FLRT2: variants seen among roughly 807,000 people sequenced by gnomAD.
The protein encoded by FLRT2 is leucine-rich repeat transmembrane protein FLRT2.
In FLRT2, 15 loss-of-function variants were observed where a neutral mutation model predicts 40.0. The observed-to-expected ratio is 0.38, with a 90% confidence interval of 0.25 to 0.58. The LOEUF (loss-of-function observed/expected upper bound fraction) is 0.58. FLRT2 is among the 20% of genes least tolerant of loss of function. FLRT2 has a pLI of 0.71. For missense variants in FLRT2, 726 were observed against 840.0 expected, an observed-to-expected ratio of 0.86 and a Z score of 1.68; for synonymous variants, 380 against 336.8, an observed-to-expected ratio of 1.13 and a Z score of -1.41.
In FLRT2 at chr14:85,640,605, T is replaced by C. The variant is rs953578105; in HGVS notation, c.*17108T>C. 2.0e-5 allele frequency: 3 copies of C among 152,236 alleles called. No individual in the cohort carries two copies. The highest frequency in any genetic ancestry group is 7.2e-5 in the African/African-American group (3 of 41,464). 9.4% of individuals were successfully genotyped at this position (152,236 alleles called of 1,614,324 possible). On this transcript the variant is annotated 3_prime_UTR_variant, in exon 2 of 2. Transcript: ENST00000330753. ...ATCAAGGTCTGTACCATGATTGAAC[T>C]ACTTGCTGCCATAAATTTTTTACTA... is the stretch of plus-strand genomic sequence containing the variant.
chr14:85,551,430 C>A (rs1889613898), intron 1 of FLRT2, among the ~76,000 whole-genome samples: 2 of 152,166 alleles, frequency 1.3e-5, no homozygotes, highest in Admixed American at 6.5e-5. Flanking sequence ...CTAGTATCTC[C>A]TTTTCTGTTT....
rs147101710 is a variant in FLRT2, at chr14:85,623,023, G to A, written c.1509G>A (p.Ala503=). The A allele has an allele frequency of 1.1e-4, 173 of 1,614,130 alleles. No individual in the cohort carries two copies. The highest frequency in any genetic ancestry group is 3.3e-4 in the African/African-American group (25 of 75,034). ...LVPLDAFNYR[A]VEDTICSEAT... The stretch of plus-strand genomic sequence containing the variant: ...CACTGGATGCTTTTAACTACCGCGC[G>A]GTAGAAGACACCATTTGTTCAGAGG... The change falls in exon 2 of 2, where the codon GCG becomes GCA. Residue 503 remains alanine, a synonymous_variant. Coordinates refer to ENST00000330753, the MANE Select transcript of FLRT2 (RefSeq NM_013231.6).
chr14:85,588,531 T>C (rs981362762), intron 1 of FLRT2, among the ~76,000 whole-genome samples: 1 of 152,060 alleles, frequency 6.6e-6, no homozygotes, highest in African/African-American at 2.4e-5. Flanking sequence ...ACATAAGATG[T>C]TTTGATACAG....
intron 1 of FLRT2, among the ~76,000 whole-genome samples, chr14:85,584,533 C>T (rs905611660): frequency 2.0e-5 from 3 of 152,176 alleles, no homozygotes; most frequent in Non-Finnish European, 4.4e-5. Flanking sequence ...TCTTTCTCCT[C>T]TTGGTGTCTT....
chr14:85,543,606 T>C (rs1429028487), intron 1 of FLRT2, among the ~76,000 whole-genome samples: 1 of 152,088 alleles, frequency 6.6e-6, no homozygotes, highest in African/African-American at 2.4e-5. Context: ...AAACTTGTTA[T>C]CATGCCACGC....
chr14:85,623,555 G>A lies in FLRT2; in HGVS notation c.*58G>A. 1 of 1,323,524 alleles carries A rather than the reference G, an allele frequency of 7.6e-7. No individual in the cohort carries two copies. 82.0% of individuals were successfully genotyped at this position (1,323,524 alleles called of 1,614,324 possible). On this transcript the variant is annotated 3_prime_UTR_variant, in exon 2 of 2. Transcript: ENST00000330753. Reference sequence around the variant, plus strand: ...ATTAGACTCTTGAGAACACACTCGTGTGTGCACATAAAGACACGCAGATTA... The same window carrying A: ...ATTAGACTCTTGAGAACACACTCGTATGTGCACATAAAGACACGCAGATTA...
At chr14:85,609,259 G>A (rs1457596028) in intron 1 of FLRT2, among the ~76,000 whole-genome samples, 1 of 152,144 alleles carries the variant, frequency 6.6e-6, no homozygotes, top group Non-Finnish European at 1.5e-5. Flanking sequence ...AACCTAGAAG[G>A]AGCAATACAG....
intron 1 of FLRT2, among the ~76,000 whole-genome samples, chr14:85,555,791 A>G (rs542288092): frequency 1.3e-5 from 2 of 151,788 alleles, no homozygotes; most frequent in African/African-American, 2.4e-5. Context: ...CCTGGCCTCA[A>G]GTGATCCTCT....
intron 1 of FLRT2, among the ~76,000 whole-genome samples, chr14:85,559,056 A>G (rs1566727252): frequency 6.6e-6 from 1 of 152,238 alleles, no homozygotes; most frequent in Non-Finnish European, 1.5e-5. Flanking sequence ...ACACATAGAT[A>G]GGTGCACATG....
At chr14:85,589,153 G>A (rs575830708) in intron 1 of FLRT2, among the ~76,000 whole-genome samples, 2 of 152,152 alleles carry the variant, frequency 1.3e-5, no homozygotes, top group Non-Finnish European at 2.9e-5. Context: ...GGATTATATG[G>A]TAGCTTAATT....
chr14:85,589,997 A>G (rs934696183), intron 1 of FLRT2, among the ~76,000 whole-genome samples: 1 of 150,808 alleles, frequency 6.6e-6, no homozygotes, highest in Non-Finnish European at 1.5e-5. Flanking sequence ...TTTGGTTACT[A>G]TAGCTCTGTA....
chr14:85,608,524 T>C (rs1274786829), intron 1 of FLRT2, among the ~76,000 whole-genome samples: 3 of 152,130 alleles, frequency 2.0e-5, no homozygotes, highest in South Asian at 2.1e-4. Flanking sequence ...ATGAGCCACC[T>C]TGCCCAGCTG....
Position 85,622,316 on chromosome 14 carries a change from C to T in FLRT2, c.802C>T (p.Pro268Ser), listed in dbSNP as rs768174334. 1.2e-6 allele frequency: 2 copies of T among 1,613,988 alleles called. No individual in the cohort carries two copies. Among genetic ancestry groups the T allele is most frequent in the Non-Finnish European group, 1.7e-6 (2 of 1,180,028 alleles). The change falls in exon 2 of 2, where the codon CCT (proline) becomes TCT (serine). Residue 268 changes from proline to serine, a missense_variant. Around this residue, in one of 3 missense-constraint regions of FLRT2, gnomAD observed 611 missense variants for 690.0 expected, o/e 0.89. Coordinates refer to ENST00000330753, the MANE Select transcript of FLRT2 (RefSeq NM_013231.6). Reference protein sequence around the residue: ...YLQDNQINHIPLTAFSNLRKL... With the variant: ...YLQDNQINHISLTAFSNLRKL... ...GCAGGACAACCAGATAAACCACATT[C>T]CTTTGACAGCCTTCTCAAATCTGCG...
chr14:85,567,162 A>C (rs1890661361), intron 1 of FLRT2, among the ~76,000 whole-genome samples: 1 of 144,884 alleles, frequency 6.9e-6, no homozygotes, highest in Admixed American at 6.8e-5. Flanking sequence ...GGCTTCATGA[A>C]AGTGGGTGAA....
At chr14:85,584,531 C>T (rs1427860375) in intron 1 of FLRT2, among the ~76,000 whole-genome samples, 3 of 152,138 alleles carry the variant, frequency 2.0e-5, no homozygotes, top group Non-Finnish European at 4.4e-5. Flanking sequence ...GTTCTTTCTC[C>T]TCTTGGTGTC....
chr14:85,630,456 T>C lies in FLRT2; in HGVS notation c.*6959T>C, dbSNP rs1401425847. 2 of 152,086 alleles carry C rather than the reference T, an allele frequency of 1.3e-5. No individual in the cohort carries two copies. The highest frequency in any genetic ancestry group is 4.8e-5 in the African/African-American group (2 of 41,426). The allele number at this position is 152,086 out of a possible 1,614,324, so 9.4% of individuals were successfully genotyped here. On this transcript the variant is annotated 3_prime_UTR_variant, in exon 2 of 2. Coordinates refer to ENST00000330753, the MANE Select transcript of FLRT2 (RefSeq NM_013231.6). ...CAAAAAGTCTTCTAAACTCCCTAGT[T>C]GGGATAGGATGGGCCTTTGTTGGTT...
intron 1 of FLRT2, among the ~76,000 whole-genome samples, chr14:85,543,053 C>G (rs992720078): frequency 6.6e-6 from 1 of 152,190 alleles, no homozygotes; most frequent in Non-Finnish European, 1.5e-5. Context: ...AGTCCAACTT[C>G]CTGTAACCAT....
At chr14:85,610,023 A>G (rs1457880588) in intron 1 of FLRT2, among the ~76,000 whole-genome samples, 3 of 152,104 alleles carry the variant, frequency 2.0e-5, no homozygotes, top group Admixed American at 2.0e-4. Context: ...CCCCAGTGGA[A>G]GGGACATTAT....
chr14:85,563,124 A>G (rs1276036523), intron 1 of FLRT2: 2 of 152,260 alleles, frequency 1.3e-5, no homozygotes, highest in East Asian at 1.9e-4. Flanking sequence ...CTTAAAAGGA[A>G]CACATACTAA....
Sources: gnomAD v4.1 joint callset for allele counts (sites outside exome capture counted in the v4.1 genomes callset) on GRCh38, gnomAD v4.1.1 for gene constraint, gnomAD v4.1.1 regional missense constraint, MANE v1.5 for transcripts, NCBI Gene and HGNC (gene_info 2026-07-23, HGNC 2026-07-21) for gene names.